Variants in ART1 observed in about 807,000 individuals in gnomAD.
ART1 encodes the protein ADP-ribosyltransferase 1.
ART1 carries 29 observed loss-of-function variants against 27.0 expected under a neutral mutation model. The ratio of observed to expected loss-of-function variants is 1.08; its 90% CI spans 0.80 to 1.47. ART1 has a LOEUF of 1.47. ART1 is among the 40% of genes most tolerant of loss of function. The pLI is 0.00. For synonymous variants in ART1, 201 were observed against 172.2 expected, an observed-to-expected ratio of 1.17 and a Z score of -1.31; for missense variants, 480 against 423.0, an observed-to-expected ratio of 1.13 and a Z score of -1.18.
In ART1 at chr11:3,659,635, T is replaced by C. The variant is rs747787811; in HGVS notation, c.116T>C (p.Leu39Pro). Residue 39 changes from leucine (L) to proline (P), a missense_variant, in exon 3 of 5, where the codon CTG (leucine) becomes CCG (proline). Physicochemically the swap from Leu to Pro is moderately conservative, Grantham distance 98. Transcript: ENST00000250693. ...RRDLFSQEIQ[L>P]DMALASFDDQ... ...GACCTCTTCTCTCAAGAGATTCAGC[T>C]GGACATGGCCCTGGCCTCCTTTGAT... 2 of 1,613,342 alleles carry C rather than the reference T, an allele frequency of 1.2e-6. No homozygotes were observed.
chr11:3,659,470 A>G, intron 2 of ART1, 113 bp from the exon 3 acceptor site: 3 of 1,379,224 alleles, frequency 2.2e-6, no homozygotes, highest in East Asian at 2.4e-5. Flanking sequence ...CTTCCCCACC[A>G]GGTGTGTTTG....
At chr11:3,647,284 T>G (rs1379059509) in intron 1 of ART1, among the ~76,000 whole-genome samples, 1 of 150,346 alleles carries the variant, frequency 6.7e-6, no homozygotes, top group Non-Finnish European at 1.5e-5. Flanking sequence ...ATTGCACCAT[T>G]GCACTCCAGC....
intron 4 of ART1, 74 bp downstream of exon 4, chr11:3,661,487 GATC>G: frequency 1.2e-5 from 6 of 497,560 alleles, no homozygotes; most frequent in Non-Finnish European, 1.9e-5. Context: ...CCATCACCTC[GATC>G]TTTTTTTTTT....
At chr11:3,648,796 C>T (rs1029073714) in intron 1 of ART1, among the ~76,000 whole-genome samples, 17 of 151,764 alleles carry the variant, frequency 1.1e-4, no homozygotes, top group African/African-American at 4.1e-4. Flanking sequence ...GGTAAGTACC[C>T]CAACCCCTTT....
In ART1 at chr11:3,659,069, T is replaced by G. The variant is rs1016419013; in HGVS notation, c.-52-93T>G. ...TCTCTTCTGAGCCTCCATGTCTGTC[T>G]TATGACTCTCAGTGCCAAGCACTAG... is the stretch of plus-strand genomic sequence containing the variant. On this transcript the variant is annotated intron_variant, in intron 1 of 4. Transcript: ENST00000250693. 1.2e-5 allele frequency: 9 copies of G among 747,980 alleles called. No homozygotes were observed. The Admixed American group carries it at 2.1e-4, about 18-fold the overall frequency. The allele number at this position is 747,980 out of a possible 1,614,324, so 46.3% of individuals were successfully genotyped here. A position where few individuals can be genotyped will look rare whatever the true frequency, so the allele number is the denominator to read the frequency against.
In ART1 at chr11:3,660,159, G is replaced by A. The variant is rs752835498; in HGVS notation, c.640G>A (p.Gly214Ser). 1.2e-6 allele frequency: 2 copies of A among 1,613,902 alleles called. No homozygotes were observed. The highest frequency in any genetic ancestry group is 4.5e-5 in the East Asian group (2 of 44,884). The change falls in exon 3 of 5, where the codon GGT becomes AGT. Residue 214 changes from glycine (G) to serine (S), a missense_variant. Gly to Ser is a moderately conservative substitution (Grantham distance 56, BLOSUM62 0). Coordinates refer to ENST00000250693, the MANE Select transcript of ART1 (RefSeq NM_004314.3). ...SLKHVAAQQF[G>S]EDTFFGIWTC... ...GAAGCATGTTGCAGCCCAGCAGTTT[G>A]GTGAGGACACCTTCTTCGGCATCTG...
intron 4 of ART1, among the ~76,000 whole-genome samples, chr11:3,662,954 C>T (rs1032170246): frequency 2.0e-5 from 3 of 152,242 alleles, no homozygotes; most frequent in African/African-American, 7.2e-5. Context: ...GGCTCAAGAG[C>T]CAAACTCTGA....
Position 3,659,650 on chromosome 11 carries a change from C to A in ART1, c.131C>A (p.Ala44Asp). 6.2e-7 allele frequency: 1 copy of A among 1,613,742 alleles called. No homozygotes were observed. The highest frequency in any genetic ancestry group is 8.5e-7 in the Non-Finnish European group (1 of 1,180,008). Residue 44 changes from alanine (A) to aspartate (D), a missense_variant, in exon 3 of 5, where the codon GCC becomes GAC. Coordinates refer to ENST00000250693, the MANE Select transcript of ART1 (RefSeq NM_004314.3). ...GAGATTCAGCTGGACATGGCCCTGG[C>A]CTCCTTTGATGACCAGTACGCTGGC... is the stretch of plus-strand genomic sequence containing the variant. Reference protein sequence around the residue: ...SQEIQLDMALASFDDQYAGCA... With the variant: ...SQEIQLDMALDSFDDQYAGCA...
chr11:3,661,490 CTTTTT>C (rs530856927), intron 4 of ART1, 77 bp downstream of exon 4: 599 of 319,830 alleles, frequency 1.9e-3, no homozygotes, highest in South Asian at 3.8e-3. Flanking sequence ...TCACCTCGAT[CTTTTT>C]TTTTTTTTTT....
At chr11:3,648,483 C>T (rs577654245) in intron 1 of ART1, among the ~76,000 whole-genome samples, 1 of 152,194 alleles carries the variant, frequency 6.6e-6, no homozygotes, top group East Asian at 1.9e-4. Flanking sequence ...CTCACTTCTC[C>T]AACCTCCCTC....
intron 4 of ART1, among the ~76,000 whole-genome samples, chr11:3,662,357 A>G (rs1044854098): frequency 2.0e-5 from 3 of 152,176 alleles, no homozygotes; most frequent in African/African-American, 7.2e-5. Flanking sequence ...GGAATGGGCC[A>G]TTTCCAGGGA....
chr11:3,664,317 T>A lies in ART1; in HGVS notation c.*128T>A. 2.3e-6 allele frequency: 2 copies of A among 867,602 alleles called. No homozygotes were observed. The highest frequency in any genetic ancestry group is 3.6e-6 in the Non-Finnish European group (2 of 548,002). 53.7% of individuals were successfully genotyped at this position (867,602 alleles called of 1,614,324 possible). ...CAGGGAACTCTGGGACCTTCTCTGG[T>A]AGCTGCCAGACCGGCTGGTGGAGAA... On this transcript the variant is annotated 3_prime_UTR_variant, in exon 5 of 5. Transcript: ENST00000250693.
chr11:3,663,286 C>A (rs1298381309), intron 4 of ART1, among the ~76,000 whole-genome samples: 1 of 152,154 alleles, frequency 6.6e-6, no homozygotes, highest in Non-Finnish European at 1.5e-5. Context: ...AGAGCCAGGA[C>A]AAGAAGCCAG....
At chr11:3,651,384 T>C (rs2077520743) in intron 1 of ART1, among the ~76,000 whole-genome samples, 1 of 150,502 alleles carries the variant, frequency 6.6e-6, no homozygotes, top group South Asian at 2.1e-4. Flanking sequence ...ATAATTCTCA[T>C]AAAAACACAC....
intron 1 of ART1, among the ~76,000 whole-genome samples, chr11:3,649,943 T>C (rs1471904102): frequency 6.6e-6 from 1 of 152,220 alleles, no homozygotes; most frequent in Admixed American, 6.5e-5. Context: ...TACATTTTAT[T>C]ACCCAATCTG....
chr11:3,649,180 C>T (rs1192963408), intron 1 of ART1, among the ~76,000 whole-genome samples: 5 of 152,254 alleles, frequency 3.3e-5, no homozygotes, highest in Middle Eastern at 3.4e-3. Flanking sequence ...TTCCACCCTC[C>T]GTTCCTCCGT....
chr11:3,663,061 A>ATCTCC (rs202035239), intron 4 of ART1, among the ~76,000 whole-genome samples: 1 of 89,252 alleles, frequency 1.1e-5, no homozygotes, highest in Non-Finnish European at 2.2e-5. Flanking sequence ...ATCTCATCTC[A>ATCTCC]TCTCATCTCA....
In ART1 at chr11:3,659,840, C is replaced by A; in HGVS notation, c.321C>A (p.Pro107=). ...GCCCCACCCGTCCATCCCCGCCACC[C>A]CTGGGCTTCCGCGATGAGCATGGGG... The part of the protein sequence containing the change: ...SLSPTRPSPP[P]LGFRDEHGVA... Residue 107 remains proline (P), a synonymous_variant, in exon 3 of 5, where the codon CCC becomes CCA. Transcript: ENST00000250693. The A allele has an allele frequency of 6.2e-7, 1 of 1,612,430 alleles. No homozygotes were observed. The highest frequency in any genetic ancestry group is 8.5e-7 in the Non-Finnish European group (1 of 1,179,570).
In ART1 at chr11:3,654,910, G is replaced by C. The variant is rs76654457; in HGVS notation, c.-52-4252G>C. 3.6e-3 allele frequency among the ~76,000 whole-genome samples: 555 copies of C among 152,238 alleles called. 7 individuals carry two copies. In the East Asian group the frequency reaches 0.05, roughly 14 times the overall value. On this transcript the variant is annotated intron_variant, in intron 1 of 4. Coordinates refer to ENST00000250693, the MANE Select transcript of ART1 (RefSeq NM_004314.3). ...CCTCTGATGTATCTTGTTTATTGTA[G>C]AGCAGATGCAGACAGAAACAGAGCT...
Sources: gnomAD v4.1 joint callset for allele counts (sites outside exome capture counted in the v4.1 genomes callset) on GRCh38, gnomAD v4.1.1 for gene constraint, MANE v1.5 for transcripts, NCBI Gene and HGNC (gene_info 2026-07-23, HGNC 2026-07-21) for gene names.